SCN9A: variants seen among roughly 807,000 people sequenced by gnomAD.
SCN9A encodes sodium voltage-gated channel alpha subunit 9.
SCN9A carries 131 observed loss-of-function variants against 187.0 expected under a neutral mutation model. The observed-to-expected ratio is 0.70, with a 90% confidence interval of 0.61 to 0.81. The LOEUF (loss-of-function observed/expected upper bound fraction) is 0.81, where lower values mean the gene tolerates loss of function less well. Ranked by LOEUF, SCN9A falls within the 30% of genes least tolerant of loss-of-function variation. SCN9A has a pLI of 0.00. For synonymous variants in SCN9A, 809 were observed against 808.6 expected, an observed-to-expected ratio of 1.00 and a Z score of -0.01; for missense variants, 2,252 against 2,396.6, an observed-to-expected ratio of 0.94 and a Z score of 1.26.
intron 17 of SCN9A, among the ~76,000 whole-genome samples, chr2:166,270,591 AATTTAATTTAATCTTATGT>A (rs1262651620): frequency 1.4e-4 from 22 of 151,838 alleles, no homozygotes; most frequent in South Asian, 2.1e-4. Flanking sequence ...ATTTTGTTTT[AATTTAATTTAATCTTATGT>A]ATTTAATTTA....
intron 20 of SCN9A, 145 bp from the exon 21 acceptor site, chr2:166,233,607 G>C (rs1695191124): frequency 2.1e-6 from 1 of 482,772 alleles, no homozygotes; most frequent in African/African-American, 2.0e-5. Flanking sequence ...CCTAAAAATA[G>C]GGTAAGATGG....
At chr2:166,294,421 G>A (rs1698212977) in intron 8 of SCN9A, 178 bp downstream of exon 8, 1 of 467,212 alleles carries the variant, frequency 2.1e-6, no homozygotes, top group South Asian at 5.0e-5. Flanking sequence ...GCTTTCAAGA[G>A]TATGCATTAA....
chr2:166,286,587 TA>T lies in SCN9A; in HGVS notation c.1350del (p.Arg451GlyfsTer18). The part of the protein sequence containing the change: ...IAAAAAEYTS[I>X]RRSRIMGLSE... ...GAGAGGCCCATAATTCTGCTTCTCCTAATACTTGTATATTCAGCCGCTGCCG... is the reference window on the plus strand; with the variant it reads ...GAGAGGCCCATAATTCTGCTTCTCCTATACTTGTATATTCAGCCGCTGCCG... On this transcript the variant is annotated frameshift_variant, in exon 11 of 27. Transcript: ENST00000642356. LOFTEE classifies it high-confidence loss of function. 6.3e-7 allele frequency: 1 copy of T among 1,588,384 alleles called. No individual in the cohort carries two copies. The highest frequency in any genetic ancestry group is 1.8e-5 in the Admixed American group (1 of 54,264).
chr2:166,216,902 T>A (rs1443269702), intron 24 of SCN9A, among the ~76,000 whole-genome samples: 1 of 151,754 alleles, frequency 6.6e-6, no homozygotes, highest in Non-Finnish European at 1.5e-5. Flanking sequence ...TTGAATAAAA[T>A]AAAAAAGATG....
chr2:166,320,837 G>T lies in SCN9A; in HGVS notation c.-50-9031C>A, dbSNP rs186044551. On this transcript the variant is annotated intron_variant, in intron 1 of 26. Coordinates refer to ENST00000642356, the MANE Select transcript of SCN9A (RefSeq NM_001365536.1). ...CTAAGTATCATTTGTCTCTATGGTT[G>T]TCAAGAGTGTATATATCAGAATGCA... 1.8e-3 allele frequency among the ~76,000 whole-genome samples: 278 copies of T among 152,196 alleles called. 2 individuals are homozygous for T. The highest frequency in any genetic ancestry group is 6.5e-3 in the African/African-American group (270 of 41,530).
intron 24 of SCN9A, among the ~76,000 whole-genome samples, chr2:166,219,627 T>G (rs995911873): frequency 2.6e-5 from 4 of 152,044 alleles, no homozygotes; most frequent in Non-Finnish European, 5.9e-5. Context: ...CATACTGGGA[T>G]TAATACCTCA....
chr2:166,250,382 T>G (rs568705719), intron 18 of SCN9A, among the ~76,000 whole-genome samples: 1 of 152,304 alleles, frequency 6.6e-6, no homozygotes, highest in African/African-American at 2.4e-5. Context: ...ACTGTGCTAG[T>G]AAGTTTATAA....
At chr2:166,254,915 C>T (rs1261304055) in intron 17 of SCN9A, among the ~76,000 whole-genome samples, 1 of 151,250 alleles carries the variant, frequency 6.6e-6, no homozygotes, top group Non-Finnish European at 1.5e-5. Flanking sequence ...CAGAAGTGTA[C>T]CATAATTAGC....
chr2:166,227,473 G>T (rs1213995344), intron 23 of SCN9A, among the ~76,000 whole-genome samples, 197 bp downstream of exon 23: 2 of 152,110 alleles, frequency 1.3e-5, no homozygotes, highest in African/African-American at 2.4e-5. Flanking sequence ...GAGCTTGGAT[G>T]ATATGGTACA....
chr2:166,203,659 A>G (rs1485167620), intron 26 of SCN9A, among the ~76,000 whole-genome samples: 1 of 151,968 alleles, frequency 6.6e-6, no homozygotes, highest in Non-Finnish European at 1.5e-5. Flanking sequence ...AGACACAGCT[A>G]TATATAAACA....
At chr2:166,327,613 C>T (rs1379636500) in intron 1 of SCN9A, among the ~76,000 whole-genome samples, 1 of 152,160 alleles carries the variant, frequency 6.6e-6, no homozygotes, top group Non-Finnish European at 1.5e-5. Context: ...TTAACCAAAT[C>T]TATACACTTA....
chr2:166,353,714 C>T (rs867459621), intron 1 of SCN9A, among the ~76,000 whole-genome samples: 1 of 152,154 alleles, frequency 6.6e-6, no homozygotes, highest in Non-Finnish European at 1.5e-5. Flanking sequence ...AACCCTTCAT[C>T]AGCTTCTCTT....
chr2:166,273,566 T>C (rs1697097162), intron 16 of SCN9A, among the ~76,000 whole-genome samples: 1 of 152,064 alleles, frequency 6.6e-6, no homozygotes, highest in Non-Finnish European at 1.5e-5. Flanking sequence ...ACAAAAAAGG[T>C]CAGGACAATT....
intron 1 of SCN9A, among the ~76,000 whole-genome samples, chr2:166,356,959 T>C (rs1410272712): frequency 6.6e-6 from 1 of 152,208 alleles, no homozygotes; most frequent in Non-Finnish European, 1.5e-5. Flanking sequence ...TTGTGGGCTC[T>C]TTTTGTAACT....
rs886841506 is a variant in SCN9A, at chr2:166,238,357, A to G, written c.3628-90T>C. ...ACAGGAAAAATACAATTCTAATGCT[A>G]AGACTGCTGAAACATAATATTGACA... On this transcript the variant is annotated intron_variant, in intron 19 of 26. Transcript: ENST00000642356. The G allele has an allele frequency of 4.3e-5, 36 of 842,528 alleles. No homozygotes were observed. In the Admixed American group the frequency reaches 6.1e-4, roughly 14 times the overall value. The allele number at this position is 842,528 out of a possible 1,614,324, so 52.2% of individuals were successfully genotyped here.
intron 1 of SCN9A, among the ~76,000 whole-genome samples, chr2:166,367,469 T>C (rs1043059285): frequency 6.6e-6 from 1 of 152,136 alleles, no homozygotes; most frequent in Non-Finnish European, 1.5e-5. Flanking sequence ...TTTCACTATG[T>C]TGACCAGGCT....
chr2:166,245,609 A>G (rs1464826569), intron 18 of SCN9A, among the ~76,000 whole-genome samples: 1 of 152,028 alleles, frequency 6.6e-6, no homozygotes, highest in Non-Finnish European at 1.5e-5. Flanking sequence ...TGAAGAAAAG[A>G]GAGACTCTTT....
intron 1 of SCN9A, among the ~76,000 whole-genome samples, chr2:166,324,603 T>C (rs1228912043): frequency 6.6e-6 from 1 of 152,110 alleles, no homozygotes; most frequent in Non-Finnish European, 1.5e-5. Flanking sequence ...TTTATTTAAA[T>C]CATAGTTAAC....
In SCN9A at chr2:166,286,469, C is replaced by T. The variant is rs58022607; in HGVS notation, c.1469G>A (p.Ser490Asn). 0.011 allele frequency: 17,621 copies of T among 1,613,832 alleles called. 758 individuals carry two copies. The African/African-American group carries it at 0.13, about 12-fold the overall frequency. The change falls in exon 11 of 27, where the codon AGT becomes AAT. Residue 490 changes from serine (S) to asparagine (N), a missense_variant. Physicochemically the swap from Ser to Asn is conservative, Grantham distance 46. Around this residue, in one of 7 missense-constraint regions of SCN9A, gnomAD observed 1,013 missense variants for 997.4 expected, o/e 1.02. Coordinates refer to ENST00000642356, the MANE Select transcript of SCN9A (RefSeq NM_001365536.1). The stretch of plus-strand genomic sequence containing the variant: ...CTCAGCATCTCCCTTTTCCTCTCCA[C>T]TGGAGAGCTTCTTTTGATTCTTTTT... ...RKKKNQKKLS[S>N]GEEKGDAEKL...
Sources: gnomAD v4.1 joint callset for allele counts (sites outside exome capture counted in the v4.1 genomes callset) on GRCh38, gnomAD v4.1.1 for gene constraint, gnomAD v4.1.1 regional missense constraint, MANE v1.5 for transcripts, NCBI Gene and HGNC (gene_info 2026-07-23, HGNC 2026-07-21) for gene names.